The following NSD1 variants were observed in gnomAD, a reference collection of about 807,000 sequenced individuals.
NSD1 encodes the protein nuclear receptor binding SET domain protein 1, also known as histone-lysine N-methyltransferase, H3 lysine-36 specific.
A neutral mutation model predicts 242.7 loss-of-function variants in NSD1; 26 were observed. The ratio of observed to expected loss-of-function variants is 0.11; its 90% CI spans 0.08 to 0.15. The LOEUF (loss-of-function observed/expected upper bound fraction) is 0.15. Among genes scored for constraint, NSD1 ranks in the 10% least tolerant of loss-of-function variants. The pLI, the probability that NSD1 is intolerant of heterozygous loss-of-function variation, is 1.00. For synonymous variants in NSD1, 1,106 were observed against 1,178.1 expected (o/e 0.94, Z 1.25); for missense variants, 2,495 against 3,272.8 (o/e 0.76, Z 5.80).
chr5:177,168,620 C>T (rs1325416709), intron 2 of NSD1, among the ~76,000 whole-genome samples: 2 of 152,014 alleles, frequency 1.3e-5, no homozygotes, highest in African/African-American at 4.8e-5. Context: ...ACCACCACGC[C>T]CAGCTCATTT....
intron 2 of NSD1, among the ~76,000 whole-genome samples, chr5:177,183,875 T>TGA (rs1204180961): frequency 3.3e-5 from 5 of 152,230 alleles, no homozygotes; most frequent in Non-Finnish European, 2.9e-5. Flanking sequence ...CACTAATAAG[T>TGA]GAGAACACAT....
intron 20 of NSD1, among the ~76,000 whole-genome samples, chr5:177,285,095 A>G (rs930176379): frequency 6.6e-6 from 1 of 152,196 alleles, no homozygotes; most frequent in Non-Finnish European, 1.5e-5. Context: ...GTAAGAAGCT[A>G]ATTTGAATCG....
intron 19 of NSD1, among the ~76,000 whole-genome samples, chr5:177,283,439 T>C (rs1448960519): frequency 6.6e-6 from 1 of 152,226 alleles, no homozygotes; most frequent in Non-Finnish European, 1.5e-5. Context: ...ACTACCTAAA[T>C]AGAAAGTGGG....
chr5:177,273,722 C>T lies in NSD1; in HGVS notation c.5560C>T (p.Leu1854=). Residue 1854 remains leucine (L), a synonymous_variant, in exon 17 of 23, where the codon CTA becomes TTA. Coordinates refer to ENST00000439151, the MANE Select transcript of NSD1 (RefSeq NM_022455.5). ...TGAGGAATTAAAGGCCCAAAAAGAG[C>T]TAAGACAGCTGCAGGAAGACCGAAA... The part of the protein sequence containing the change: ...RFEELKAQKE[L]RQLQEDRKND... The T allele has an allele frequency of 1.2e-6, 2 of 1,613,766 alleles. No homozygotes were observed. The highest frequency in any genetic ancestry group is 1.7e-6 in the Non-Finnish European group (2 of 1,179,834).
chr5:177,276,397 T>C (rs1395810932), intron 17 of NSD1, among the ~76,000 whole-genome samples: 1 of 151,488 alleles, frequency 6.6e-6, no homozygotes, highest in Non-Finnish European at 1.5e-5. Flanking sequence ...TGGTCTCAGC[T>C]CACTGCAACC....
At chr5:177,181,195 A>C (rs763756964) in intron 2 of NSD1, among the ~76,000 whole-genome samples, 3 of 151,912 alleles carry the variant, frequency 2.0e-5, no homozygotes, top group Non-Finnish European at 2.9e-5. Flanking sequence ...AAAGTACGAG[A>C]ATCACTTGAA....
chr5:177,149,051 T>A (rs1757485636), intron 2 of NSD1, among the ~76,000 whole-genome samples: 1 of 152,002 alleles, frequency 6.6e-6, no homozygotes, highest in Non-Finnish European at 1.5e-5. Context: ...ACTCCTGACC[T>A]CAGGTAATCC....
chr5:177,175,321 A>G (rs750567457), intron 2 of NSD1, among the ~76,000 whole-genome samples: 1 of 152,154 alleles, frequency 6.6e-6, no homozygotes, highest in African/African-American at 2.4e-5. Context: ...TTGAATGCGT[A>G]TATGTTACAG....
rs1760150450 is a variant in NSD1, at chr5:177,294,969, C to T, written c.7601C>T (p.Thr2534Ile). The change falls in exon 23 of 23, where the codon ACC becomes ATC. Residue 2534 changes from threonine to isoleucine, a missense_variant. By Grantham distance (89) the Thr-to-Ile change is moderately conservative. Transcript: ENST00000439151. ...CCCTGGCAAGCTGTTAAATCACTCA[C>T]CCAGGCCAGACTTCTTTCTCAGCCT... ...EDPWQAVKSLTQARLLSQPPA... is the reference protein window; with the variant it reads ...EDPWQAVKSLIQARLLSQPPA... The T allele has an allele frequency of 1.2e-6, 2 of 1,614,148 alleles. No homozygotes were observed. The highest frequency in any genetic ancestry group is 2.2e-5 in the East Asian group (1 of 44,904).
rs1302175757 is a variant in NSD1 at position 177,295,060 on chromosome 5, G to A, written c.7692G>A (p.Glu2564=). The change falls in exon 23 of 23, where the codon GAG becomes GAA. Residue 2564 remains glutamate, a synonymous_variant. Transcript: ENST00000439151. This position sits in a 1 kb window ranked among gnomAD's most constrained non-coding sequence, Gnocchi z 4.3. ...QASGRASAGA[E]QTPGPLSQSP... ...CAGGAAGAGCTTCTGCAGGGGCTGA[G>A]CAGACCCCAGGGCCTCTTAGCCAAT... The A allele has an allele frequency of 7.4e-6, 12 of 1,613,280 alleles. No individual in the cohort carries two copies. The highest frequency in any genetic ancestry group is 1.0e-5 in the Non-Finnish European group (12 of 1,179,694).
chr5:177,219,706 T>C (rs1243848106), intron 5 of NSD1, among the ~76,000 whole-genome samples: 1 of 152,168 alleles, frequency 6.6e-6, no homozygotes, highest in Non-Finnish European at 1.5e-5. Context: ...AGCTTACGCC[T>C]GTAATCTCAG....
chr5:177,293,082 G>T (rs1287000363), intron 22 of NSD1, among the ~76,000 whole-genome samples: 1 of 152,236 alleles, frequency 6.6e-6, no homozygotes, highest in Non-Finnish European at 1.5e-5. Flanking sequence ...CCAGGAAGTA[G>T]AATTGTTTCA....
chr5:177,221,242 C>T (rs1033451788), intron 5 of NSD1, among the ~76,000 whole-genome samples: 1 of 151,390 alleles, frequency 6.6e-6, no homozygotes, highest in Admixed American at 6.6e-5. Context: ...AATTGTTTCT[C>T]GTCTGGTTTG....
At position 177,209,882 on chromosome 5, in the gene NSD1, G is replaced by A. The variant is rs752490855; in HGVS notation, c.1483G>A (p.Ala495Thr). 11 of 1,614,116 alleles carry A rather than the reference G, an allele frequency of 6.8e-6. No individual in the cohort carries two copies. Among genetic ancestry groups the A allele is most frequent in the South Asian group, 4.4e-5 (4 of 91,084 alleles). Residue 495 changes from alanine (A) to threonine (T), a missense_variant, in exon 5 of 23, where the codon GCT becomes ACT. This residue lies in a region of NSD1 where 515 missense variants were observed against 467.0 expected (regional missense o/e 1.10). Coordinates refer to ENST00000439151, the MANE Select transcript of NSD1 (RefSeq NM_022455.5). The stretch of plus-strand genomic sequence containing the variant: ...TGCAGATGAGAAGGAAAAGCCTTGC[G>A]CTAAATCTCGAGCCAGAAAGAGCTC... Reference protein sequence around the residue: ...HSADEKEKPCAKSRARKSSDN... With the variant: ...HSADEKEKPCTKSRARKSSDN...
intron 12 of NSD1, among the ~76,000 whole-genome samples, chr5:177,252,191 G>A (rs1173971220): frequency 6.6e-6 from 1 of 152,168 alleles, no homozygotes; most frequent in Non-Finnish European, 1.5e-5. Flanking sequence ...AGTAATGAAA[G>A]CGTGTAAAAC....
chr5:177,294,869 C>T lies in NSD1; in HGVS notation c.7501C>T (p.Pro2501Ser), dbSNP rs1313336319. ...TGCCAGCAAAGGTCTGGGGCATATG[C>T]CGAGAGCTGTTGAGAAAGGCTGTGT... ...WPASKGLGHM[P>S]RAVEKGCVSD... Residue 2501 changes from proline to serine, a missense_variant, in exon 23 of 23, where the codon CCG (proline) becomes TCG (serine). Coordinates refer to ENST00000439151, the MANE Select transcript of NSD1 (RefSeq NM_022455.5). 1 of 1,613,358 alleles carries T rather than the reference C, an allele frequency of 6.2e-7. No homozygotes were observed. The highest frequency in any genetic ancestry group is 8.5e-7 in the Non-Finnish European group (1 of 1,179,926).
chr5:177,295,470 T>TG lies in NSD1; in HGVS notation c.*12dup. 1 of 1,613,516 alleles carries TG rather than the reference T, an allele frequency of 6.2e-7. No individual in the cohort carries two copies. The highest frequency in any genetic ancestry group is 8.5e-7 in the Non-Finnish European group (1 of 1,179,720). On this transcript the variant is annotated 3_prime_UTR_variant, in exon 23 of 23. Coordinates refer to ENST00000439151, the MANE Select transcript of NSD1 (RefSeq NM_022455.5). This position sits in a 1 kb window ranked among gnomAD's most constrained non-coding sequence, Gnocchi z 4.3. ...TCAGAACAGAAGTAGTACCAATCAA[T>TG]GTCACATGAACAAACAAGCTGCCCC... is the stretch of plus-strand genomic sequence containing the variant.
chr5:177,174,032 G>A (rs1231407316), intron 2 of NSD1, among the ~76,000 whole-genome samples: 1 of 152,034 alleles, frequency 6.6e-6, no homozygotes, highest in Non-Finnish European at 1.5e-5. Flanking sequence ...TTATCCTGCT[G>A]GTCAGCATTC....
chr5:177,265,580 C>T (rs78841412), intron 14 of NSD1: 29,709 of 1,240,280 alleles, frequency 0.024, 458 homozygotes, highest in Middle Eastern at 0.036. Flanking sequence ...TCAGCACATC[C>T]TGTAGTCTGT....
Sources: allele counts gnomAD v4.1 joint callset (sites outside exome capture counted in the v4.1 genomes callset), GRCh38; gene constraint gnomAD v4.1.1; regional missense constraint gnomAD v4.1.1; non-coding constraint Gnocchi (gnomAD v3.1); transcripts MANE v1.5; gene names NCBI Gene and HGNC (gene_info 2026-07-23, HGNC 2026-07-21).